RAB11FIP4: variants seen among roughly 807,000 people sequenced by gnomAD.
The protein encoded by RAB11FIP4 is rab11 family-interacting protein 4.
A neutral mutation model predicts 74.3 loss-of-function variants in RAB11FIP4; 23 were observed. That is an observed-to-expected ratio of 0.31 (90% confidence interval 0.22 to 0.44). The LOEUF (loss-of-function observed/expected upper bound fraction) is 0.44, where lower values mean the gene tolerates loss of function less well. RAB11FIP4 is among the 20% of genes least tolerant of loss of function. RAB11FIP4 has a pLI of 1.00. For synonymous variants in RAB11FIP4, 360 were observed against 359.9 expected, an observed-to-expected ratio of 1.00 and a Z score of 0.00; for missense variants, 630 against 863.9, an observed-to-expected ratio of 0.73 and a Z score of 3.39.
chr17:31,530,592 T>A, intron 14 of RAB11FIP4, 123 bp downstream of exon 14: 1 of 1,280,110 alleles, frequency 7.8e-7, no homozygotes, highest in African/African-American at 1.5e-5. Context: ...CATCTACAGC[T>A]ACCCCACATG....
intron 3 of RAB11FIP4, among the ~76,000 whole-genome samples, chr17:31,495,366 ATTTTTTT>A (rs3058694): frequency 0.014 from 1,191 of 83,174 alleles, 14 homozygotes; most frequent in African/African-American, 0.043. Flanking sequence ...CACTTGACTG[ATTTTTTT>A]TTTTTTTTTT....
chr17:31,421,434 G>A lies in RAB11FIP4; in HGVS notation c.160-10379G>A, dbSNP rs1283793668. ...GGGTTTCACCATGTTGCCCAGGCTG[G>A]TCTTGAACTCCTGACCTCAAGTGAT... On this transcript the variant is annotated intron_variant, in intron 1 of 14. Transcript: ENST00000621161. Among the ~76,000 whole-genome samples the A allele has an allele frequency of 2.6e-5, 4 of 151,950 alleles. No individual in the cohort carries two copies. In the East Asian group the frequency reaches 5.8e-4, roughly 22 times the overall value.
In RAB11FIP4 at chr17:31,530,878, A is replaced by G. The variant is rs538662281; in HGVS notation, c.1797+409A>G. On this transcript the variant is annotated intron_variant, in intron 14 of 14. Transcript: ENST00000621161. ...TTCACTTAATCTCCTGATGACTCTGAGGCTTTAGGAACAGCTCCACATTCC... is the reference window on the plus strand; with the variant it reads ...TTCACTTAATCTCCTGATGACTCTGGGGCTTTAGGAACAGCTCCACATTCC... 6 of 171,562 alleles carry G rather than the reference A, an allele frequency of 3.5e-5. No homozygotes were observed. The East Asian group carries it at 9.5e-4, about 27-fold the overall frequency. The allele number at this position is 171,562 out of a possible 1,614,324, so 10.6% of individuals were successfully genotyped here.
chr17:31,485,026 A>G (rs184167474), intron 3 of RAB11FIP4, among the ~76,000 whole-genome samples: 22 of 152,272 alleles, frequency 1.4e-4, no homozygotes, highest in Admixed American at 1.1e-3. Flanking sequence ...ACTGCAGCTC[A>G]CTCATGCTGC....
chr17:31,394,204 C>T (rs753500117), intron 1 of RAB11FIP4, among the ~76,000 whole-genome samples: 3 of 152,220 alleles, frequency 2.0e-5, no homozygotes, highest in South Asian at 2.1e-4. Context: ...TCTCAGGCAG[C>T]GCCTCAATGA....
At position 31,512,939 on chromosome 17, in the gene RAB11FIP4, G is replaced by A. The variant is rs56024867; in HGVS notation, c.337-4712G>A. ...GGCACAGACCTTACTTGCTGACCCC[G>A]GCCACCTAGAAACATGAGCTCTGGG... On this transcript the variant is annotated intron_variant, in intron 3 of 14. Coordinates refer to ENST00000621161, the MANE Select transcript of RAB11FIP4 (RefSeq NM_032932.6). The surrounding 1 kb of genome is among the most constrained non-coding windows in gnomAD (Gnocchi z 4.1). 0.33 allele frequency among the ~76,000 whole-genome samples: 50,179 copies of A among 151,832 alleles called. 8,391 individuals carry two copies. Among genetic ancestry groups the A allele is most frequent in the South Asian group, 0.54 (2,574 of 4,800 alleles).
chr17:31,532,968 A>G lies in RAB11FIP4; in HGVS notation c.*1236A>G, dbSNP rs552465287. 2 of 152,340 alleles carry G rather than the reference A, an allele frequency of 1.3e-5. No homozygotes were observed. Among genetic ancestry groups the G allele is most frequent in the South Asian group, 4.1e-4 (2 of 4,832 alleles). The allele number at this position is 152,340 out of a possible 1,614,324, so 9.4% of individuals were successfully genotyped here. ...TGGGAATAGACATGGTACTTACCTTAGAGTTTTCCAATTTATCTCAATTTT... is the reference window on the plus strand; with the variant it reads ...TGGGAATAGACATGGTACTTACCTTGGAGTTTTCCAATTTATCTCAATTTT... On this transcript the variant is annotated 3_prime_UTR_variant, in exon 15 of 15. Transcript: ENST00000621161.
intron 3 of RAB11FIP4, among the ~76,000 whole-genome samples, chr17:31,449,345 C>T (rs1004359311): frequency 6.6e-5 from 10 of 152,132 alleles, no homozygotes; most frequent in African/African-American, 1.4e-4. Flanking sequence ...CCTTTCCATT[C>T]GCTTCTGGAG....
intron 1 of RAB11FIP4, among the ~76,000 whole-genome samples, chr17:31,428,667 C>A (rs926560420): frequency 6.6e-6 from 1 of 152,066 alleles, no homozygotes; most frequent in Non-Finnish European, 1.5e-5. Context: ...GAGTGCCTGG[C>A]ATGTAAGAGG....
At chr17:31,505,515 A>ATAATATATATATAATATAATATAT (rs2072312211) in intron 3 of RAB11FIP4, among the ~76,000 whole-genome samples, 1 of 74,218 alleles carries the variant, frequency 1.3e-5, no homozygotes, top group African/African-American at 5.6e-5. Context: ...TATATATAAT[A>ATAATATATATATAATATAATATAT]ATTATATATT....
chr17:31,487,680 G>C (rs1034374359), intron 3 of RAB11FIP4, among the ~76,000 whole-genome samples: 1 of 152,104 alleles, frequency 6.6e-6, no homozygotes, highest in African/African-American at 2.4e-5. Flanking sequence ...GCGCCGGCCG[G>C]AATCTCACAG....
At chr17:31,467,451 C>T (rs987252298) in intron 3 of RAB11FIP4, among the ~76,000 whole-genome samples, 13 of 152,108 alleles carry the variant, frequency 8.5e-5, no homozygotes, top group Admixed American at 2.6e-4. Flanking sequence ...AAACAGAAAG[C>T]AGTCTCTTCT....
chr17:31,513,236 C>T (rs1283111727), intron 3 of RAB11FIP4, among the ~76,000 whole-genome samples: 2 of 152,162 alleles, frequency 1.3e-5, no homozygotes, highest in African/African-American at 2.4e-5. Context: ...AGTCTGTGAC[C>T]CCCAGGCCAT....
chr17:31,414,493 A>C (rs2071128513), intron 1 of RAB11FIP4, among the ~76,000 whole-genome samples: 1 of 151,998 alleles, frequency 6.6e-6, no homozygotes, highest in Non-Finnish European at 1.5e-5. Flanking sequence ...CAGACCCCAA[A>C]CAAAGCCCTT....
At chr17:31,490,303 C>G (rs1050906175) in intron 3 of RAB11FIP4, among the ~76,000 whole-genome samples, 2 of 152,152 alleles carry the variant, frequency 1.3e-5, no homozygotes, top group South Asian at 4.1e-4. Context: ...CATCTGTACC[C>G]GTAGGTATCT....
At chr17:31,401,938 A>T (rs1360480497) in intron 1 of RAB11FIP4, among the ~76,000 whole-genome samples, 1 of 152,138 alleles carries the variant, frequency 6.6e-6, no homozygotes, top group African/African-American at 2.4e-5. Flanking sequence ...CCATCTGCTC[A>T]CACTTCCTCC....
chr17:31,528,313 T>G (rs2072803609), intron 11 of RAB11FIP4, 93 bp from the exon 12 acceptor site: 3 of 1,438,014 alleles, frequency 2.1e-6, no homozygotes, highest in Non-Finnish European at 2.8e-6. Flanking sequence ...ATCTGCCTCG[T>G]GAAGATGGCT....
chr17:31,447,413 C>T lies in RAB11FIP4; in HGVS notation c.336+13291C>T, dbSNP rs187908920. Among the ~76,000 whole-genome samples the T allele has an allele frequency of 9.0e-4, 137 of 152,274 alleles. 1 individual carries two copies. Among genetic ancestry groups the T allele is most frequent in the Admixed American group, 2.2e-3 (34 of 15,292 alleles). On this transcript the variant is annotated intron_variant, in intron 3 of 14. Transcript: ENST00000621161. ...CCAGGAGATTGAGGCTACAGTGAGC[C>T]GTTTGTGCGACAGCACTCCAGCCTG...
At chr17:31,459,788 C>T (rs2142715041) in intron 3 of RAB11FIP4, among the ~76,000 whole-genome samples, 1 of 151,180 alleles carries the variant, frequency 6.6e-6, no homozygotes, top group African/African-American at 2.4e-5. Flanking sequence ...ACCAGTCCCT[C>T]CCCACGGCCC....
Sources: gnomAD v4.1 joint callset for allele counts (sites outside exome capture counted in the v4.1 genomes callset) on GRCh38, gnomAD v4.1.1 for gene constraint, Gnocchi (gnomAD v3.1) non-coding constraint, MANE v1.5 for transcripts, NCBI Gene and HGNC (gene_info 2026-07-23, HGNC 2026-07-21) for gene names.